Variants in SIPA1L1 observed in about 807,000 individuals in gnomAD.
SIPA1L1 encodes signal induced proliferation associated 1 like 1.
SIPA1L1 carries 26 observed loss-of-function variants against 162.7 expected under a neutral mutation model. The observed-to-expected ratio is 0.16, with a 90% confidence interval of 0.12 to 0.22. The LOEUF is 0.22. Ranked by LOEUF, SIPA1L1 falls within the 10% of genes least tolerant of loss-of-function variation. The pLI, the probability that SIPA1L1 is intolerant of heterozygous loss-of-function variation, is 1.00. For missense variants in SIPA1L1, 1,874 were observed against 2,241.0 expected, an observed-to-expected ratio of 0.84 and a Z score of 3.31; for synonymous variants, 829 against 837.4, an observed-to-expected ratio of 0.99 and a Z score of 0.17.
chr14:71,446,906 GTTTTTTTTTTTT>G (rs1189940440), intron 2 of SIPA1L1, among the ~76,000 whole-genome samples: 1 of 53,244 alleles, frequency 1.9e-5, no homozygotes, highest in Non-Finnish European at 3.1e-5. Flanking sequence ...TTTTTTTTTT[GTTTTTTTTTTTT>G]TTTTTTTTTT....
intron 5 of SIPA1L1, among the ~76,000 whole-genome samples, chr14:71,599,828 T>C (rs1283029346): frequency 6.6e-6 from 1 of 152,240 alleles, no homozygotes; most frequent in Admixed American, 6.5e-5. Flanking sequence ...ATAAGATGAT[T>C]ATCTCATTGT....
chr14:71,649,534 T>C (rs1334150876), intron 7 of SIPA1L1, among the ~76,000 whole-genome samples: 1 of 152,200 alleles, frequency 6.6e-6, no homozygotes, highest in Non-Finnish European at 1.5e-5. Context: ...GCTTGTTAAA[T>C]GATCAGTAAC....
intron 2 of SIPA1L1, among the ~76,000 whole-genome samples, chr14:71,348,538 G>A (rs748695611): frequency 6.6e-6 from 1 of 152,070 alleles, no homozygotes; most frequent in Non-Finnish European, 1.5e-5. Context: ...TGGTCATTAG[G>A]CCCTTTCTTG....
intron 2 of SIPA1L1, among the ~76,000 whole-genome samples, chr14:71,434,793 C>T (rs746819808): frequency 1.8e-4 from 28 of 152,128 alleles, no homozygotes; most frequent in Non-Finnish European, 3.7e-4. Context: ...GTTGTCCAGG[C>T]TGGTCTTAAA....
At chr14:71,648,221 C>T (rs755067274) in intron 7 of SIPA1L1, among the ~76,000 whole-genome samples, 22 of 152,100 alleles carry the variant, frequency 1.4e-4, no homozygotes, top group Non-Finnish European at 2.1e-4. Flanking sequence ...ACTCCAGAGG[C>T]GGAGGTTGCA....
At chr14:71,553,740 G>T (rs1001617267) in intron 4 of SIPA1L1, among the ~76,000 whole-genome samples, 1 of 152,110 alleles carries the variant, frequency 6.6e-6, no homozygotes, top group African/African-American at 2.4e-5. Context: ...TTTAGGTAGG[G>T]CTACTCTACA....
rs1202551215 is a variant in SIPA1L1, at chr14:71,330,130, A to AT, written c.-465+8950dup. 2.0e-5 allele frequency among the ~76,000 whole-genome samples: 3 copies of AT among 152,336 alleles called. No individual in the cohort carries two copies. In the East Asian group the frequency reaches 5.8e-4, roughly 29 times the overall value. On this transcript the variant is annotated intron_variant, in intron 2 of 23. Coordinates refer to ENST00000381232, the MANE Select transcript of SIPA1L1 (RefSeq NM_001386936.1). The stretch of plus-strand genomic sequence containing the variant: ...CTCATGGGCTAGGTTATGCCTAGAT[A>AT]TCATCATCCTTCTCCAAATGAAGCT...
intron 2 of SIPA1L1, among the ~76,000 whole-genome samples, chr14:71,323,050 C>T (rs538830935): frequency 2.6e-5 from 4 of 152,302 alleles, no homozygotes; most frequent in Non-Finnish European, 5.9e-5. Flanking sequence ...TTTAACTCTT[C>T]TTTTGTCTCT....
intron 4 of SIPA1L1, among the ~76,000 whole-genome samples, chr14:71,539,833 C>T (rs547321682): frequency 3.3e-5 from 5 of 152,258 alleles, no homozygotes; most frequent in South Asian, 2.1e-4. Flanking sequence ...TTTCCTTCCT[C>T]GATCTCCCAA....
intron 21 of SIPA1L1, among the ~76,000 whole-genome samples, chr14:71,734,271 G>A (rs1419847770): frequency 2.0e-5 from 3 of 152,242 alleles, no homozygotes; most frequent in Non-Finnish European, 4.4e-5. Context: ...TGTCTGCATT[G>A]TCTCCTTGCC....
At chr14:71,622,552 T>C (rs565305521) in intron 6 of SIPA1L1, among the ~76,000 whole-genome samples, 14 of 152,314 alleles carry the variant, frequency 9.2e-5, no homozygotes, top group Admixed American at 1.3e-4. Flanking sequence ...CTATGTATTA[T>C]CTCATGAAGA....
chr14:71,653,916 T>C (rs1018031109), intron 8 of SIPA1L1, among the ~76,000 whole-genome samples: 2 of 152,146 alleles, frequency 1.3e-5, no homozygotes, highest in Non-Finnish European at 2.9e-5. Flanking sequence ...CCCAGTAGTG[T>C]GGTTAATGAA....
chr14:71,416,999 C>T (rs866577985), intron 2 of SIPA1L1, among the ~76,000 whole-genome samples: 2 of 151,968 alleles, frequency 1.3e-5, no homozygotes, highest in East Asian at 1.9e-4. Flanking sequence ...GATCCTTCTC[C>T]GTTGGCCTCC....
At chr14:71,536,122 CAAAAAAA>C (rs937131931) in intron 4 of SIPA1L1, among the ~76,000 whole-genome samples, 9 of 91,604 alleles carry the variant, frequency 9.8e-5, no homozygotes, top group South Asian at 3.5e-4. Flanking sequence ...CAATAGCTTT[CAAAAAAA>C]AAAAAAAAAG....
chr14:71,476,313 A>G (rs1189693555), intron 2 of SIPA1L1, among the ~76,000 whole-genome samples: 2 of 152,240 alleles, frequency 1.3e-5, no homozygotes, highest in South Asian at 2.1e-4. Flanking sequence ...TTGTAACATC[A>G]GTGTCTCAAA....
intron 1 of SIPA1L1, among the ~76,000 whole-genome samples, 200 bp downstream of exon 1, chr14:71,320,703 TC>T (rs140256891): frequency 0.035 from 3,165 of 91,210 alleles, 115 homozygotes; most frequent in African/African-American, 0.12. Context: ...CACCTCCTCA[TC>T]CCCCCCCCGG....
At chr14:71,464,090 C>T (rs1193936224) in intron 2 of SIPA1L1, among the ~76,000 whole-genome samples, 2 of 152,160 alleles carry the variant, frequency 1.3e-5, no homozygotes, top group Non-Finnish European at 2.9e-5. Flanking sequence ...AGGTGCTGCC[C>T]TCAGCAATCT....
intron 7 of SIPA1L1, among the ~76,000 whole-genome samples, chr14:71,625,534 T>G (rs943157432): frequency 1.3e-5 from 2 of 152,240 alleles, no homozygotes; most frequent in African/African-American, 4.8e-5. Context: ...CTAATATCTA[T>G]TTGACACATA....
intron 4 of SIPA1L1, among the ~76,000 whole-genome samples, chr14:71,537,723 G>T (rs899126934): frequency 6.0e-5 from 9 of 150,754 alleles, no homozygotes; most frequent in African/African-American, 2.2e-4. Flanking sequence ...CCTTGACAGA[G>T]AAGTTTTACT....
Sources: gnomAD v4.1 joint callset for allele counts (sites outside exome capture counted in the v4.1 genomes callset) on GRCh38, gnomAD v4.1.1 for gene constraint, MANE v1.5 for transcripts, NCBI Gene and HGNC (gene_info 2026-07-23, HGNC 2026-07-21) for gene names.